Variants in COL10A1 observed in about 807,000 individuals in gnomAD.
COL10A1 encodes collagen type X alpha 1 chain, also known as collagen alpha-1(X) chain.
Under a neutral mutation model 18.2 loss-of-function variants are expected in COL10A1, and 10 were observed. The observed-to-expected ratio is 0.55, with a 90% CI of 0.34 to 0.93. The LOEUF is 0.93. COL10A1 is among the 40% of genes least tolerant of loss of function. The pLI is 0.02. For synonymous variants in COL10A1, 330 were observed against 316.6 expected, an observed-to-expected ratio of 1.04 and a Z score of -0.45; for missense variants, 897 against 853.5, an observed-to-expected ratio of 1.05 and a Z score of -0.64.
At chr6:116,140,507 A>G (rs1237858941) in intron 1 of COL10A1, among the ~76,000 whole-genome samples, 1 of 152,150 alleles carries the variant, frequency 6.6e-6, no homozygotes, top group East Asian at 1.9e-4. Context: ...TATTAATTCA[A>G]TGAACACATG....
chr6:116,213,620 A>G, the COL10A1 span, among the ~76,000 whole-genome samples: 1 of 152,154 alleles, frequency 6.6e-6, no homozygotes, highest in Non-Finnish European at 1.5e-5. Flanking sequence ...TCCACTTCAC[A>G]TCTTCTATAA....
At chr6:116,163,137 A>ACAT (rs1554197055), upstream of COL10A1, among the ~76,000 whole-genome samples, 16 of 105,420 alleles carry the variant, frequency 1.5e-4, no homozygotes, top group Non-Finnish European at 2.7e-4. Flanking sequence ...AAAAAAAAAA[A>ACAT]AAAAATATAT....
chr6:116,141,911 C>CACACACACACAG (rs1438823947), intron 1 of COL10A1, among the ~76,000 whole-genome samples: 1 of 150,954 alleles, frequency 6.6e-6, no homozygotes, highest in African/African-American at 2.4e-5. Context: ...CACACACACA[C>CACACACACACAG]ACACACACAC....
At chr6:116,192,193 AT>A in the COL10A1 span, among the ~76,000 whole-genome samples, 1 of 152,012 alleles carries the variant, frequency 6.6e-6, no homozygotes, top group African/African-American at 2.4e-5. Context: ...TTGCCAGTTA[AT>A]TAACCTCTGT....
At position 116,139,549 on chromosome 6, in the gene COL10A1, G is replaced by A. The variant is rs576869078; in HGVS notation, c.-15-14042C>T. On this transcript the variant is annotated intron_variant, in intron 1 of 1. Coordinates refer to the COL10A1 transcript ENST00000418500. ...GCATTTAAAATGCATTTTACTTGCA[G>A]TGTTAATAAGTGTATTGGAATATTA... Among the ~76,000 whole-genome samples the A allele has an allele frequency of 3.3e-5, 5 of 152,234 alleles. No individual in the cohort carries two copies. The East Asian group carries it at 9.6e-4, about 29-fold the overall frequency.
At chr6:116,150,265 G>GT (rs1780006203) in intron 1 of COL10A1, among the ~76,000 whole-genome samples, 1 of 150,822 alleles carries the variant, frequency 6.6e-6, no homozygotes, top group African/African-American at 2.4e-5. Flanking sequence ...TTAAGAAAAT[G>GT]GTTTTTTTTT....
At chr6:116,135,488 T>C (rs1779567342) in intron 1 of COL10A1, among the ~76,000 whole-genome samples, 1 of 151,956 alleles carries the variant, frequency 6.6e-6, no homozygotes. Context: ...TTCTGCTTGT[T>C]ATTCAGCAAA....
At chr6:116,172,826 T>C in the COL10A1 span, among the ~76,000 whole-genome samples, 1 of 152,204 alleles carries the variant, frequency 6.6e-6, no homozygotes, top group Non-Finnish European at 1.5e-5. Context: ...ATTTGACCTT[T>C]AGGAAAATCT....
At chr6:116,166,842 A>G in the COL10A1 span, among the ~76,000 whole-genome samples, 1 of 152,210 alleles carries the variant, frequency 6.6e-6, no homozygotes, top group Non-Finnish European at 1.5e-5. Context: ...AGACGAAAGG[A>G]CTGAAATTCT....
the COL10A1 span, among the ~76,000 whole-genome samples, chr6:116,209,465 C>CA: frequency 6.6e-6 from 1 of 151,900 alleles, no homozygotes; most frequent in Non-Finnish European, 1.5e-5. Context: ...TAAAAGATCT[C>CA]AGAGTCTCAG....
the COL10A1 span, among the ~76,000 whole-genome samples, chr6:116,200,847 TA>T: frequency 6.6e-6 from 1 of 152,048 alleles, no homozygotes; most frequent in African/African-American, 2.4e-5. Flanking sequence ...AGACCATGTT[TA>T]CTTTTTCTTC....
the COL10A1 span, among the ~76,000 whole-genome samples, chr6:116,194,420 G>GA: frequency 6.6e-6 from 1 of 151,966 alleles, no homozygotes; most frequent in African/African-American, 2.4e-5. Flanking sequence ...ACAATTTCGG[G>GA]AAAAAAATGG....
intron 1 of COL10A1, among the ~76,000 whole-genome samples, chr6:116,154,394 T>G (rs6915372): frequency 0.51 from 77,514 of 151,836 alleles, 20,914 homozygotes; most frequent in African/African-American, 0.69. Flanking sequence ...AAGGAGACAT[T>G]GTTATTACTT....
the COL10A1 span, among the ~76,000 whole-genome samples, chr6:116,191,978 A>G: frequency 5.3e-5 from 8 of 152,068 alleles, no homozygotes; most frequent in African/African-American, 9.7e-5. Flanking sequence ...TGAGGTAGAA[A>G]TTACGAGCAA....
At chr6:116,122,424 C>G (rs1779159396) in intron 2 of COL10A1, among the ~76,000 whole-genome samples, 1 of 152,200 alleles carries the variant, frequency 6.6e-6, no homozygotes. Context: ...TGCCATGCCT[C>G]TGCTGAACAC....
At chr6:116,212,727 C>G in the COL10A1 span, among the ~76,000 whole-genome samples, 1 of 152,108 alleles carries the variant, frequency 6.6e-6, no homozygotes, top group East Asian at 1.9e-4. Flanking sequence ...CCAGGATATT[C>G]ATTTTTTACT....
chr6:116,125,556 T>G, intron 1 of COL10A1, 49 bp from the exon 2 acceptor site: 1 of 1,549,172 alleles, frequency 6.5e-7, no homozygotes, highest in Non-Finnish European at 8.9e-7. Context: ...ATTAACCTAT[T>G]TTTTTATTCT....
At chr6:116,163,141 A>ATATATATATATATATATATATATATAT (rs1554197064), upstream of COL10A1, among the ~76,000 whole-genome samples, 1 of 88,408 alleles carries the variant, frequency 1.1e-5, no homozygotes, top group African/African-American at 5.8e-5. Flanking sequence ...AAAAAAAAAA[A>ATATATATATATATATATATATATATAT]ATATATATAT....
intron 1 of COL10A1, among the ~76,000 whole-genome samples, chr6:116,151,295 A>AT (rs1353800415): frequency 6.6e-6 from 1 of 152,226 alleles, no homozygotes; most frequent in Non-Finnish European, 1.5e-5. Flanking sequence ...GCCATCTTTG[A>AT]TAACATTCAT....
Sources: allele counts gnomAD v4.1 joint callset (sites outside exome capture counted in the v4.1 genomes callset), GRCh38; gene constraint gnomAD v4.1.1; transcripts MANE v1.5; gene names NCBI Gene and HGNC (gene_info 2026-07-23, HGNC 2026-07-21).